Variants in HS3ST5 observed in about 807,000 individuals in gnomAD.
HS3ST5 encodes heparan sulfate glucosamine 3-O-sulfotransferase 5.
A neutral mutation model predicts 25.4 loss-of-function variants in HS3ST5; 10 were observed. The ratio of observed to expected loss-of-function variants is 0.39; its 90% CI spans 0.24 to 0.67. The LOEUF is 0.67. HS3ST5 is among the 30% of genes least tolerant of loss of function. HS3ST5 has a pLI of 0.44. For missense variants in HS3ST5, 324 were observed against 420.7 expected (o/e 0.77, Z 2.01); for synonymous variants, 170 against 162.4 (o/e 1.05, Z -0.36).
chr6:114,161,521 T>TATATA (rs1778947740), intron 3 of HS3ST5, among the ~76,000 whole-genome samples: 2 of 33,540 alleles, frequency 6.0e-5, no homozygotes, highest in African/African-American at 9.6e-5. Flanking sequence ...TCCTGAAGTT[T>TATATA]TATATATATA....
chr6:114,316,917 G>C (rs1775769480), intron 1 of HS3ST5, among the ~76,000 whole-genome samples: 1 of 152,156 alleles, frequency 6.6e-6, no homozygotes, highest in South Asian at 2.1e-4. Flanking sequence ...TGTTTGGTAG[G>C]TAGTGGTTGT....
intron 3 of HS3ST5, among the ~76,000 whole-genome samples, chr6:114,149,470 C>T (rs1312918239): frequency 6.6e-6 from 1 of 152,128 alleles, no homozygotes; most frequent in African/African-American, 2.4e-5. Flanking sequence ...TTTCAGCAAA[C>T]TAACACAGGA....
intron 1 of HS3ST5, among the ~76,000 whole-genome samples, chr6:114,332,314 A>G (rs1396905178): frequency 6.6e-6 from 1 of 152,090 alleles, no homozygotes; most frequent in East Asian, 1.9e-4. Flanking sequence ...TGCCCTCACT[A>G]TGCGTTTTCT....
At chr6:114,241,335 A>G (rs995028207) in intron 1 of HS3ST5, among the ~76,000 whole-genome samples, 3 of 152,162 alleles carry the variant, frequency 2.0e-5, no homozygotes, top group Non-Finnish European at 4.4e-5. Context: ...AGAACAGATT[A>G]ATACGGTTAA....
chr6:114,063,006 A>G (rs1773224185), intron 3 of HS3ST5, 129 bp from the exon 4 acceptor site: 1 of 572,914 alleles, frequency 1.7e-6, no homozygotes, highest in Admixed American at 3.1e-5. Context: ...AACTCTCACA[A>G]GTGTCATGAT....
intron 1 of HS3ST5, among the ~76,000 whole-genome samples, chr6:114,236,331 A>T (rs926898721): frequency 6.6e-6 from 1 of 152,228 alleles, no homozygotes; most frequent in African/African-American, 2.4e-5. Flanking sequence ...CAACTATCCA[A>T]TTAGGTAAAT....
At chr6:114,322,092 A>G (rs932337304) in intron 1 of HS3ST5, among the ~76,000 whole-genome samples, 8 of 152,266 alleles carry the variant, frequency 5.3e-5, no homozygotes, top group South Asian at 2.1e-4. Flanking sequence ...TCTTGTTAGT[A>G]GCATTAACTA....
intron 3 of HS3ST5, among the ~76,000 whole-genome samples, chr6:114,072,290 A>C (rs563174894): frequency 6.7e-6 from 1 of 149,406 alleles, no homozygotes; most frequent in South Asian, 2.1e-4. Flanking sequence ...AATTCCTTTT[A>C]AGAAAGAAAA....
intron 1 of HS3ST5, among the ~76,000 whole-genome samples, chr6:114,309,322 C>T (rs987458709): frequency 4.1e-4 from 62 of 152,060 alleles, no homozygotes; most frequent in African/African-American, 1.4e-3. Flanking sequence ...AGGTAAAAAC[C>T]TCTTACTATG....
At chr6:114,341,222 G>GGAGAGAGAGA (rs4034605) in intron 1 of HS3ST5, among the ~76,000 whole-genome samples, 3,169 of 46,544 alleles carry the variant, frequency 0.068, 376 homozygotes, top group Non-Finnish European at 0.073. Context: ...GGAGAGAGGG[G>GGAGAGAGAGA]GAGAGAGAGA....
chr6:114,074,091 C>T (rs1027843887), intron 3 of HS3ST5, among the ~76,000 whole-genome samples: 3 of 151,744 alleles, frequency 2.0e-5, no homozygotes, highest in African/African-American at 7.3e-5. Context: ...GGGAGCTGAA[C>T]AATGAGAACA....
chr6:114,129,407 C>T (rs1344211745), intron 3 of HS3ST5, among the ~76,000 whole-genome samples: 1 of 152,076 alleles, frequency 6.6e-6, no homozygotes, highest in African/African-American at 2.4e-5. Context: ...AGGTGCCCAC[C>T]ACCACACCCA....
chr6:114,251,308 A>T (rs1772648396), intron 1 of HS3ST5, among the ~76,000 whole-genome samples: 1 of 152,180 alleles, frequency 6.6e-6, no homozygotes, highest in African/African-American at 2.4e-5. Context: ...GCTCTGTTAA[A>T]GTTGGAGGTA....
intron 2 of HS3ST5, among the ~76,000 whole-genome samples, chr6:114,187,163 G>A (rs1171456643): frequency 2.0e-5 from 3 of 152,176 alleles, no homozygotes; most frequent in Non-Finnish European, 4.4e-5. Flanking sequence ...TCATTCTGCA[G>A]TCCATAGATC....
intron 1 of HS3ST5, among the ~76,000 whole-genome samples, chr6:114,272,551 A>T (rs752287750): frequency 2.2e-4 from 33 of 152,118 alleles, no homozygotes; most frequent in Non-Finnish European, 4.6e-4. Context: ...CCTGCCTAAG[A>T]TGGAACACCA....
intron 1 of HS3ST5, among the ~76,000 whole-genome samples, chr6:114,341,222 G>GGAGAGAGAGAGA (rs4034605): frequency 0.042 from 1,976 of 46,564 alleles, 214 homozygotes; most frequent in African/African-American, 0.049. Flanking sequence ...GGAGAGAGGG[G>GGAGAGAGAGAGA]GAGAGAGAGA....
chr6:114,088,875 T>G (rs533730181), intron 3 of HS3ST5: 4 of 152,210 alleles, frequency 2.6e-5, no homozygotes, highest in Admixed American at 6.5e-5. Flanking sequence ...GAATCAACAC[T>G]AAGAACATTA....
intron 1 of HS3ST5, among the ~76,000 whole-genome samples, chr6:114,311,026 G>A (rs1021525394): frequency 2.6e-5 from 4 of 152,028 alleles, no homozygotes; most frequent in Admixed American, 6.6e-5. Context: ...ACAAAGAAAC[G>A]TAACTACCAA....
chr6:114,282,649 A>T (rs2114743253), intron 1 of HS3ST5, among the ~76,000 whole-genome samples: 1 of 152,084 alleles, frequency 6.6e-6, no homozygotes, highest in African/African-American at 2.4e-5. Context: ...TGTTTGGCCC[A>T]CTGAGGTGCA....
Sources: gnomAD v4.1 joint callset for allele counts (sites outside exome capture counted in the v4.1 genomes callset) on GRCh38, gnomAD v4.1.1 for gene constraint, MANE v1.5 for transcripts, NCBI Gene and HGNC (gene_info 2026-07-23, HGNC 2026-07-21) for gene names.